Variants in EPM2A observed in about 807,000 individuals in gnomAD.
EPM2A encodes the protein laforin.
A neutral mutation model predicts 26.5 loss-of-function variants in EPM2A; 21 were observed. That is an observed-to-expected ratio of 0.79 (90% CI 0.56 to 1.14). The LOEUF is 1.14. Ranked by LOEUF, EPM2A falls within the 50% of genes most tolerant of loss-of-function variation. The pLI is 0.00. For synonymous variants in EPM2A, 217 were observed against 177.6 expected (o/e 1.22, Z -1.76); for missense variants, 458 against 440.8 (o/e 1.04, Z -0.35).
downstream of EPM2A, among the ~76,000 whole-genome samples, chr6:145,625,127 T>C (rs1446601378): frequency 6.6e-6 from 1 of 152,230 alleles, no homozygotes; most frequent in Non-Finnish European, 1.5e-5. Context: ...TCCTTCACCT[T>C]TGACTTCCTT....
chr6:145,618,155 G>A (rs1247923584), intron 2 of EPM2A, among the ~76,000 whole-genome samples: 2 of 152,080 alleles, frequency 1.3e-5, no homozygotes, highest in Non-Finnish European at 2.9e-5. Context: ...GCACCCTTGA[G>A]GACTCATGAA....
intron 2 of EPM2A, among the ~76,000 whole-genome samples, chr6:145,542,408 A>G (rs546680173): frequency 6.6e-6 from 1 of 152,314 alleles, no homozygotes; most frequent in South Asian, 2.1e-4. Context: ...GGGCTATACA[A>G]AGTCATCTTC....
intron 2 of EPM2A, among the ~76,000 whole-genome samples, chr6:145,519,763 C>A (rs571797073): frequency 6.6e-6 from 1 of 152,212 alleles, no homozygotes; most frequent in East Asian, 1.9e-4. Flanking sequence ...AGTCTCAGAT[C>A]TTAAAGAGCA....
At chr6:145,484,630 C>A (rs952497639) in intron 4 of EPM2A, among the ~76,000 whole-genome samples, 13 of 152,014 alleles carry the variant, frequency 8.6e-5, no homozygotes, top group African/African-American at 2.9e-4. Flanking sequence ...CCCTTTAAAT[C>A]ATGCAAAAGA....
At chr6:145,687,377 A>C (rs1780996275) in intron 1 of EPM2A, among the ~76,000 whole-genome samples, 2 of 152,016 alleles carry the variant, frequency 1.3e-5, no homozygotes, top group South Asian at 2.1e-4. Flanking sequence ...GTAAGCAATA[A>C]ATTTCTATTG....
downstream of EPM2A, among the ~76,000 whole-genome samples, chr6:145,624,678 C>T (rs1172971396): frequency 6.6e-6 from 1 of 152,168 alleles, no homozygotes; most frequent in Non-Finnish European, 1.5e-5. Context: ...ACTGATTCTG[C>T]GTTTAGCTCT....
intron 1 of EPM2A, among the ~76,000 whole-genome samples, chr6:145,699,722 TA>T (rs773935992): frequency 5.9e-5 from 9 of 152,198 alleles, no homozygotes; most frequent in Non-Finnish European, 1.3e-4. Flanking sequence ...GCCAGCACTG[TA>T]AAACAACTGG....
chr6:145,456,982 T>C (rs1192608224), intron 4 of EPM2A, among the ~76,000 whole-genome samples: 1 of 152,196 alleles, frequency 6.6e-6, no homozygotes, highest in Non-Finnish European at 1.5e-5. Flanking sequence ...TCAAATAGAC[T>C]ATGAGAACAC....
At chr6:145,637,193 T>C (rs1282192530) in intron 2 of EPM2A, 1 of 152,268 alleles carries the variant, frequency 6.6e-6, no homozygotes, top group Non-Finnish European at 1.5e-5. Flanking sequence ...TTGCATTGCA[T>C]TGTAAAGATT....
chr6:145,585,270 A>G (rs1226170430), intron 2 of EPM2A, among the ~76,000 whole-genome samples: 1 of 152,000 alleles, frequency 6.6e-6, no homozygotes, highest in African/African-American at 2.4e-5. Context: ...GGATCTGTAG[A>G]CTTATAGTTT....
At chr6:145,726,774 A>G (rs1174084957) in intron 1 of EPM2A, among the ~76,000 whole-genome samples, 1 of 152,138 alleles carries the variant, frequency 6.6e-6, no homozygotes, top group Non-Finnish European at 1.5e-5. Flanking sequence ...AAAGTCTGAG[A>G]AACTATCACA....
At position 145,626,061 on chromosome 6, in the gene EPM2A, G is replaced by C; in HGVS notation, c.*1355C>G. ...GGAGATAATGAGACCTTCTTCATTG[G>C]ATATTGTGAAGATTAAACTGGATAT... On this transcript the variant is annotated 3_prime_UTR_variant, in exon 4 of 4. Transcript: ENST00000367519. The C allele has an allele frequency of 1.8e-6, 2 of 1,130,392 alleles. No individual in the cohort carries two copies. Among genetic ancestry groups the C allele is most frequent in the South Asian group, 5.7e-5 (2 of 35,072 alleles). 70.0% of individuals were successfully genotyped at this position (1,130,392 alleles called of 1,614,324 possible).
chr6:145,574,638 C>T (rs935284621), intron 2 of EPM2A, among the ~76,000 whole-genome samples: 1 of 152,194 alleles, frequency 6.6e-6, no homozygotes, highest in Non-Finnish European at 1.5e-5. Context: ...TACACTTCCC[C>T]ATCCCAAACT....
At chr6:145,383,638 G>A (rs1397359650) in exon 5 of EPM2A, 2 of 152,166 alleles carry the variant, frequency 1.3e-5, no homozygotes, top group African/African-American at 2.4e-5. Flanking sequence ...CTTCCCAGCA[G>A]GCCCTACCTC....
intron 1 of EPM2A, among the ~76,000 whole-genome samples, chr6:145,728,595 G>T (rs1776329478): frequency 6.6e-6 from 1 of 152,198 alleles, no homozygotes; most frequent in South Asian, 2.1e-4. Flanking sequence ...AAGCAGCAAA[G>T]CATTCAAGGT....
intron 2 of EPM2A, among the ~76,000 whole-genome samples, chr6:145,663,039 T>C (rs745947888): frequency 1.3e-4 from 20 of 152,074 alleles, no homozygotes; most frequent in Non-Finnish European, 2.4e-4. Context: ...TAAGTTTCCA[T>C]AAAACTTAGC....
intron 2 of EPM2A, among the ~76,000 whole-genome samples, chr6:145,540,400 C>G (rs1280585996): frequency 6.6e-6 from 1 of 152,206 alleles, no homozygotes; most frequent in Admixed American, 6.5e-5. Context: ...AGACCCCATA[C>G]TTGGTTCTGA....
chr6:145,406,508 C>A (rs1778571791), intron 4 of EPM2A, among the ~76,000 whole-genome samples: 1 of 152,116 alleles, frequency 6.6e-6, no homozygotes, highest in African/African-American at 2.4e-5. Flanking sequence ...TGATAAGGCA[C>A]TCTGGTGGAT....
At chr6:145,400,664 A>C (rs2114666284) in intron 4 of EPM2A, among the ~76,000 whole-genome samples, 1 of 152,260 alleles carries the variant, frequency 6.6e-6, no homozygotes. Context: ...TTAAGTCTCC[A>C]CCCCAAAGTG....
Sources: gnomAD v4.1 joint callset for allele counts (sites outside exome capture counted in the v4.1 genomes callset) on GRCh38, gnomAD v4.1.1 for gene constraint, MANE v1.5 for transcripts, NCBI Gene and HGNC (gene_info 2026-07-23, HGNC 2026-07-21) for gene names.